Variants in FBXO47 observed in about 807,000 individuals in gnomAD.
FBXO47 encodes F-box protein 47.
In FBXO47, 34 loss-of-function variants were observed where a neutral mutation model predicts 53.9. The observed-to-expected ratio is 0.63, with a 90% CI of 0.48 to 0.84. The LOEUF is 0.84. Ranked by LOEUF, FBXO47 falls within the 40% of genes least tolerant of loss-of-function variation. FBXO47 has a pLI of 0.00. For synonymous variants in FBXO47, 165 were observed against 181.6 expected (o/e 0.91, Z 0.73); for missense variants, 485 against 541.3 (o/e 0.90, Z 1.03).
intron 9 of FBXO47, 132 bp downstream of exon 9, chr17:38,942,646 C>A: frequency 1.7e-6 from 1 of 576,510 alleles, no homozygotes. Context: ...GAAAAAGAAA[C>A]ATTAAAAATA....
chr17:38,943,013 G>C (rs1196949824), intron 8 of FBXO47, 93 bp from the exon 9 acceptor site: 36 of 1,114,588 alleles, frequency 3.2e-5, no homozygotes, highest in Non-Finnish European at 4.6e-5. Context: ...ATCTTTATTG[G>C]AAATACAATT....
chr17:38,941,951 C>T (rs1307999657), intron 9 of FBXO47, among the ~76,000 whole-genome samples: 1 of 151,946 alleles, frequency 6.6e-6, no homozygotes, highest in Non-Finnish European at 1.5e-5. Context: ...GGGTTTATTA[C>T]AGGTGTGAGC....
intron 6 of FBXO47, among the ~76,000 whole-genome samples, chr17:38,946,025 A>AAAAATATATATAAATATATAT (rs1567716149): frequency 7.2e-5 from 9 of 124,710 alleles, no homozygotes; most frequent in African/African-American, 2.9e-4. Flanking sequence ...ATAAAAATAT[A>AAAAATATATATAAATATATAT]AAAATATATA....
chr17:38,966,609 C>T (rs1324821331), intron 1 of FBXO47, among the ~76,000 whole-genome samples: 1 of 152,148 alleles, frequency 6.6e-6, no homozygotes, highest in Non-Finnish European at 1.5e-5. Flanking sequence ...CCCGTGGGCT[C>T]TTCAAAGACT....
chr17:38,963,001 A>C lies in FBXO47; in HGVS notation c.25T>G (p.Phe9Val), dbSNP rs781749943. ...AGTTTCTGGTTGGGAATCAAAGTGA[A>C]ATTTGTATTTATTCTGGATGCCATT... MASRINTN[F>V]TLIPNQKLRR... The change falls in exon 2 of 11, where the codon TTC becomes GTC. Residue 9 changes from phenylalanine to valine, a missense_variant. Physicochemically the swap from Phe to Val is conservative, Grantham distance 50. Transcript: ENST00000378079. The C allele has an allele frequency of 2.5e-6, 4 of 1,612,308 alleles. No homozygotes were observed. The highest frequency in any genetic ancestry group is 1.3e-5 in the African/African-American group (1 of 74,976).
At chr17:38,945,935 C>CAAAAAAAAA (rs34412322) in intron 6 of FBXO47, among the ~76,000 whole-genome samples, 1 of 94,648 alleles carries the variant, frequency 1.1e-5, no homozygotes, top group African/African-American at 4.7e-5. Flanking sequence ...GACTCTGGCT[C>CAAAAAAAAA]AAAAAAAAAA....
At chr17:38,941,620 T>TTTTATATATATATATATATATATA (rs1555560016) in intron 9 of FBXO47, among the ~76,000 whole-genome samples, 1 of 115,198 alleles carries the variant, frequency 8.7e-6, no homozygotes, top group African/African-American at 3.1e-5. Flanking sequence ...AAATATAATA[T>TTTTATATATATATATATATATATA]TATATATATA....
At chr17:38,947,277 G>A (rs565956168) in intron 6 of FBXO47, among the ~76,000 whole-genome samples, 4 of 151,568 alleles carry the variant, frequency 2.6e-5, no homozygotes, top group African/African-American at 9.7e-5. Flanking sequence ...TCCAGCCTGG[G>A]TGACAGAGCT....
At chr17:38,964,664 AAAAC>A (rs370428806) in intron 1 of FBXO47, among the ~76,000 whole-genome samples, 2,703 of 152,104 alleles carry the variant, frequency 0.018, 93 homozygotes, top group African/African-American at 0.061. Flanking sequence ...TTGGTCTCGA[AAAAC>A]AAACAAACAA....
At position 38,951,825 on chromosome 17, in the gene FBXO47, G is replaced by GT. The variant is rs1905306492; in HGVS notation, c.508-137dup. 6.9e-6 allele frequency: 4 copies of GT among 581,678 alleles called. No homozygotes were observed. In the East Asian group the frequency reaches 1.2e-4, roughly 17 times the overall value. 36.0% of individuals were successfully genotyped at this position (581,678 alleles called of 1,614,324 possible). On this transcript the variant is annotated intron_variant, in intron 5 of 10. Transcript: ENST00000378079. Reference sequence around the variant, plus strand: ...GTGGGTGGATCACCTGCAGTCAGGAGTTTGAGACCAGCCTGGACAACATAG... The same window carrying GT: ...GTGGGTGGATCACCTGCAGTCAGGAGTTTTGAGACCAGCCTGGACAACATAG...
rs1479358375 is a variant in FBXO47 at position 38,942,930 on chromosome 17, G to A, written c.941-10C>T. The A allele has an allele frequency of 2.5e-6, 4 of 1,596,088 alleles. No homozygotes were observed. In the African/African-American group the frequency reaches 5.4e-5, roughly 22 times the overall value. On this transcript the variant is annotated splice_polypyrimidine_tract_variant and intron_variant, in intron 8 of 10. Transcript: ENST00000378079. ...CACTCACGGGGAACCACTTTTATTA[G>A]AGGAAGAACAATTATTTAATGAGAA...
At chr17:38,961,800 C>T in intron 3 of FBXO47, 77 bp downstream of exon 3, 3 of 1,291,848 alleles carry the variant, frequency 2.3e-6, no homozygotes, top group Admixed American at 4.5e-5. Context: ...TCCTACTGGC[C>T]TTACAGAATT....
chr17:38,962,931 C>T lies in FBXO47; in HGVS notation c.95G>A (p.Gly32Asp). ...RQTSCYSKTLGSGFQPISTFG... is the reference protein window; with the variant it reads ...RQTSCYSKTLDSGFQPISTFG... ...TGTTGATATGGGTTGAAAGCCTGAGCCAAGGGTCTTGGAATAACAGCTGGT... is the reference window on the plus strand; with the variant it reads ...TGTTGATATGGGTTGAAAGCCTGAGTCAAGGGTCTTGGAATAACAGCTGGT... Residue 32 changes from glycine to aspartate, a missense_variant, in exon 2 of 11, where the codon GGC becomes GAC. Transcript: ENST00000378079. 1.2e-6 allele frequency: 2 copies of T among 1,613,406 alleles called. No homozygotes were observed. Among genetic ancestry groups the T allele is most frequent in the African/African-American group, 1.3e-5 (1 of 74,998 alleles).
rs1904687542 is a variant in FBXO47 at position 38,945,035 on chromosome 17, T to C, written c.718A>G (p.Ile240Val). The C allele has an allele frequency of 6.2e-7, 1 of 1,614,066 alleles. No homozygotes were observed. Among genetic ancestry groups the C allele is most frequent in the Non-Finnish European group, 8.5e-7 (1 of 1,179,994 alleles). ...RSDSAFWLTRILKPWPMVNQA... is the reference protein window; with the variant it reads ...RSDSAFWLTRVLKPWPMVNQA... The stretch of plus-strand genomic sequence containing the variant: ...TTCACCATTGGCCATGGTTTTAATA[T>C]TCGCGTCAACCAAAAAGCAGAATCA... Residue 240 changes from isoleucine to valine, a missense_variant, in exon 7 of 11, where the codon ATA becomes GTA. Ile to Val is a conservative substitution (Grantham distance 29). Coordinates refer to ENST00000378079, the MANE Select transcript of FBXO47 (RefSeq NM_001008777.3).
chr17:38,942,757 G>C (rs181444694), intron 9 of FBXO47, 21 bp downstream of exon 9: 2 of 1,597,444 alleles, frequency 1.3e-6, no homozygotes, highest in African/African-American at 2.7e-5. Flanking sequence ...ACTTGCTAGA[G>C]AAAAACTTAT....
At chr17:38,938,539 C>T (rs765622093) in intron 10 of FBXO47, 34 bp downstream of exon 10, 33 of 1,493,554 alleles carry the variant, frequency 2.2e-5, no homozygotes, top group South Asian at 3.9e-5. Context: ...CGCATTTTTA[C>T]GCACACCTGT....
intron 3 of FBXO47, among the ~76,000 whole-genome samples, chr17:38,958,697 T>C (rs1346597112): frequency 1.3e-5 from 2 of 152,154 alleles, no homozygotes; most frequent in Non-Finnish European, 2.9e-5. Context: ...TCATCTTCTA[T>C]TTACTTTTTT....
intron 8 of FBXO47, 112 bp downstream of exon 8, chr17:38,943,478 G>C: frequency 3.2e-6 from 2 of 619,750 alleles, no homozygotes; most frequent in Non-Finnish European, 5.1e-6. Context: ...AGAGCATTCA[G>C]TGATTTCCAA....
At chr17:38,947,103 T>A (rs1904980662) in intron 6 of FBXO47, among the ~76,000 whole-genome samples, 1 of 92,272 alleles carries the variant, frequency 1.1e-5, no homozygotes, top group African/African-American at 3.0e-5. Flanking sequence ...AACATATATA[T>A]AAACATATAT....
Sources: gnomAD v4.1 joint callset for allele counts (sites outside exome capture counted in the v4.1 genomes callset) on GRCh38, gnomAD v4.1.1 for gene constraint, MANE v1.5 for transcripts, NCBI Gene and HGNC (gene_info 2026-07-23, HGNC 2026-07-21) for gene names.